Variants in ST8SIA4 observed in about 807,000 individuals in gnomAD.
ST8SIA4 encodes the protein ST8 alpha-N-acetyl-neuraminide alpha-2,8-sialyltransferase 4, also known as CMP-N-acetylneuraminate-poly-alpha-2,8-sialyltransferase.
ST8SIA4 carries 15 observed loss-of-function variants against 33.9 expected under a neutral mutation model. The ratio of observed to expected loss-of-function variants is 0.44; its 90% CI spans 0.30 to 0.68. The LOEUF is 0.68. Among genes scored for constraint, ST8SIA4 ranks in the 30% least tolerant of loss-of-function variants. The pLI is 0.10. For missense variants in ST8SIA4, 321 were observed against 428.0 expected, an observed-to-expected ratio of 0.75 and a Z score of 2.21; for synonymous variants, 171 against 151.2, an observed-to-expected ratio of 1.13 and a Z score of -0.96.
intron 1 of ST8SIA4, among the ~76,000 whole-genome samples, chr5:100,899,953 T>C (rs1752864701): frequency 6.6e-6 from 1 of 152,358 alleles, no homozygotes; most frequent in Middle Eastern, 3.4e-3. Flanking sequence ...ACTTGACCTA[T>C]GCTGGAACAA....
intron 3 of ST8SIA4, among the ~76,000 whole-genome samples, chr5:100,860,311 T>A (rs1751908911): frequency 6.6e-6 from 1 of 152,186 alleles, no homozygotes; most frequent in East Asian, 1.9e-4. Flanking sequence ...GCCAAAACAT[T>A]ATTACCTACG....
intron 4 of ST8SIA4, among the ~76,000 whole-genome samples, chr5:100,834,652 A>C (rs879389645): frequency 4.6e-5 from 7 of 152,044 alleles, no homozygotes; most frequent in Non-Finnish European, 1.0e-4. Context: ...AGGTGATTGG[A>C]TCATGTGGGT....
intron 3 of ST8SIA4, among the ~76,000 whole-genome samples, chr5:100,873,363 A>G (rs996142007): frequency 1.3e-5 from 2 of 152,116 alleles, no homozygotes; most frequent in Non-Finnish European, 2.9e-5. Flanking sequence ...AGAAATAAGT[A>G]AATAAACAAA....
chr5:100,873,418 A>G (rs751484421), intron 3 of ST8SIA4, among the ~76,000 whole-genome samples: 4 of 152,144 alleles, frequency 2.6e-5, no homozygotes, highest in Non-Finnish European at 5.9e-5. Context: ...TGACAAAAAA[A>G]AATGTTATGT....
chr5:100,819,461 G>C (rs750301555), intron 4 of ST8SIA4, among the ~76,000 whole-genome samples: 3 of 152,086 alleles, frequency 2.0e-5, no homozygotes, highest in Admixed American at 6.6e-5. Context: ...CTTGTCCCTG[G>C]CATAAATTGA....
In ST8SIA4 at chr5:100,808,835, C is replaced by T. The variant is rs893444983; in HGVS notation, c.*3012G>A. 2.6e-5 allele frequency: 4 copies of T among 152,596 alleles called. No individual in the cohort carries two copies. The highest frequency in any genetic ancestry group is 4.1e-4 in the South Asian group (2 of 4,834). The allele number at this position is 152,596 out of a possible 1,614,324, so 9.5% of individuals were successfully genotyped here. A position where few individuals can be genotyped will look rare whatever the true frequency, so the allele number is the denominator to read the frequency against. On this transcript the variant is annotated 3_prime_UTR_variant, in exon 5 of 5. Coordinates refer to ENST00000231461, the MANE Select transcript of ST8SIA4 (RefSeq NM_005668.6). ...GGAGGGCAGATGGAAAGGTATACAACAAGGAATGAAATGGGCTTGTACAGT... is the reference window on the plus strand; with the variant it reads ...GGAGGGCAGATGGAAAGGTATACAATAAGGAATGAAATGGGCTTGTACAGT...
In ST8SIA4 at chr5:100,903,140, T is replaced by G. The variant is rs1033997942; in HGVS notation, c.-185A>C. ...CGAGCTCCCTCTGGTCCTCGAACGC[T>G]GCCCAGCGACCTCTCGCCCTGTTTG... On this transcript the variant is annotated 5_prime_UTR_variant, in exon 1 of 5. Coordinates refer to ENST00000231461, the MANE Select transcript of ST8SIA4 (RefSeq NM_005668.6). 6.8e-5 allele frequency: 40 copies of G among 589,266 alleles called. No homozygotes were observed. The highest frequency in any genetic ancestry group is 5.1e-5 in the Non-Finnish European group (17 of 332,384). The allele number at this position is 589,266 out of a possible 1,614,324, so 36.5% of individuals were successfully genotyped here.
At chr5:100,884,357 C>T (rs970513222) in intron 3 of ST8SIA4, among the ~76,000 whole-genome samples, 8 of 152,052 alleles carry the variant, frequency 5.3e-5, no homozygotes, top group African/African-American at 1.9e-4. Flanking sequence ...CATCAAGTGG[C>T]CAGTTGCTGC....
At chr5:100,851,031 C>T (rs1751686808) in intron 4 of ST8SIA4, among the ~76,000 whole-genome samples, 3 of 135,440 alleles carry the variant, frequency 2.2e-5, no homozygotes, top group South Asian at 2.4e-4. Flanking sequence ...ATGATCTCAA[C>T]TCATTGCAAC....
chr5:100,833,748 T>C (rs1448992103), intron 4 of ST8SIA4, among the ~76,000 whole-genome samples: 2 of 152,210 alleles, frequency 1.3e-5, no homozygotes, highest in African/African-American at 4.8e-5. Flanking sequence ...CGTATTTCCC[T>C]GTTCTTGGCA....
intron 3 of ST8SIA4, among the ~76,000 whole-genome samples, chr5:100,861,544 G>C (rs966257): frequency 6.6e-6 from 1 of 151,866 alleles, no homozygotes; most frequent in Non-Finnish European, 1.5e-5. Flanking sequence ...GCTTAGATTT[G>C]GGAGGGGAGA....
chr5:100,822,600 A>G (rs532491706), intron 4 of ST8SIA4, among the ~76,000 whole-genome samples: 10 of 152,384 alleles, frequency 6.6e-5, no homozygotes, highest in South Asian at 4.1e-4. Context: ...ATCAATATGT[A>G]AATGAAATTT....
chr5:100,812,792 T>C (rs1448483096), intron 4 of ST8SIA4, among the ~76,000 whole-genome samples: 4 of 152,148 alleles, frequency 2.6e-5, no homozygotes, highest in African/African-American at 7.2e-5. Context: ...AAGTACTTTA[T>C]AGGCAATAAA....
At chr5:100,841,312 C>T (rs1360887006) in intron 4 of ST8SIA4, among the ~76,000 whole-genome samples, 1 of 151,806 alleles carries the variant, frequency 6.6e-6, no homozygotes, top group Non-Finnish European at 1.5e-5. Context: ...GTATTGGAGT[C>T]ATTATGCTTA....
At chr5:100,862,125 C>G (rs996662674) in intron 3 of ST8SIA4, among the ~76,000 whole-genome samples, 2 of 152,220 alleles carry the variant, frequency 1.3e-5, no homozygotes, top group East Asian at 3.9e-4. Context: ...TACTTTTGAT[C>G]CCCTAGGAAT....
At chr5:100,828,959 C>T (rs980224350) in intron 4 of ST8SIA4, among the ~76,000 whole-genome samples, 1 of 152,038 alleles carries the variant, frequency 6.6e-6, no homozygotes, top group African/African-American at 2.4e-5. Context: ...TATGAAATAA[C>T]GACGAATTCT....
Position 100,814,801 on chromosome 5 carries a change from T to C in ST8SIA4, c.798-2672A>G, listed in dbSNP as rs534494653. On this transcript the variant is annotated intron_variant, in intron 4 of 4. Transcript: ENST00000231461. Reference sequence around the variant, plus strand: ...CACATGTGAAAAGGACAAGAATAGATCTTCTTTTTAATTCTGTCAGCATAA... The same window carrying C: ...CACATGTGAAAAGGACAAGAATAGACCTTCTTTTTAATTCTGTCAGCATAA... Among the ~76,000 whole-genome samples the C allele has an allele frequency of 2.0e-4, 30 of 152,046 alleles. 1 individual carries two copies. In the South Asian group the frequency reaches 6.0e-3, roughly 30 times the overall value.
rs539668241 is a variant in ST8SIA4, at chr5:100,880,760, A to T, written c.503+5583T>A. On this transcript the variant is annotated intron_variant, in intron 3 of 4. Transcript: ENST00000231461. Reference sequence around the variant, plus strand: ...TGACTCCTGATATTTTTTGAAGGTAATATCTATAGAATTTGCTGATTAATT... The same window carrying T: ...TGACTCCTGATATTTTTTGAAGGTATTATCTATAGAATTTGCTGATTAATT... Among the ~76,000 whole-genome samples, 28 of 152,288 alleles carry T rather than the reference A, an allele frequency of 1.8e-4. 1 individual carries two copies. The South Asian group carries it at 5.6e-3, about 30-fold the overall frequency.
intron 4 of ST8SIA4, among the ~76,000 whole-genome samples, chr5:100,841,773 A>T (rs144083167): frequency 3.9e-5 from 6 of 151,976 alleles, no homozygotes; most frequent in Non-Finnish European, 8.8e-5. Context: ...CTTTTAGCTG[A>T]TCTTTAATAC....
Sources: gnomAD v4.1 joint callset for allele counts (sites outside exome capture counted in the v4.1 genomes callset) on GRCh38, gnomAD v4.1.1 for gene constraint, MANE v1.5 for transcripts, NCBI Gene and HGNC (gene_info 2026-07-23, HGNC 2026-07-21) for gene names.